DLGAP2: variants seen among roughly 807,000 people sequenced by gnomAD.
DLGAP2 encodes the protein DLG associated protein 2.
Under a neutral mutation model 100.3 loss-of-function variants are expected in DLGAP2, and 26 were observed. The observed-to-expected ratio is 0.26, with a 90% CI of 0.19 to 0.36. The LOEUF is 0.36. Ranked by LOEUF, DLGAP2 falls within the 10% of genes least tolerant of loss-of-function variation. The probability of loss-of-function intolerance (pLI) is 1.00; values close to 1 mark genes in which losing one functional copy is unlikely to be tolerated. For synonymous variants in DLGAP2, 886 were observed against 630.1 expected (o/e 1.41, Z -6.08); for missense variants, 1,858 against 1,453.2 (o/e 1.28, Z -4.53).
At chr8:1,120,975 C>T (rs1421151661) in intron 2 of DLGAP2, among the ~76,000 whole-genome samples, 2 of 151,300 alleles carry the variant, frequency 1.3e-5, no homozygotes, top group African/African-American at 2.4e-5. Context: ...CACCCATCCT[C>T]GTCCCTTCAG....
chr8:1,658,379 T>C (rs1245086153), intron 8 of DLGAP2, among the ~76,000 whole-genome samples: 6 of 152,098 alleles, frequency 3.9e-5, no homozygotes, highest in Admixed American at 3.9e-4. Flanking sequence ...GAAGAAACGG[T>C]TTAGGGGCTA....
intron 2 of DLGAP2, among the ~76,000 whole-genome samples, chr8:1,178,305 G>A (rs1352101918): frequency 6.6e-6 from 1 of 152,184 alleles, no homozygotes; most frequent in African/African-American, 2.4e-5. Context: ...TCTCATTTGG[G>A]CAAGACCTGC....
chr8:1,061,764 G>A (rs1025822348), intron 2 of DLGAP2, among the ~76,000 whole-genome samples: 21 of 151,988 alleles, frequency 1.4e-4, no homozygotes, highest in African/African-American at 3.9e-4. Flanking sequence ...GGACTTTCTC[G>A]GAGGTTGCAC....
chr8:1,514,927 C>A (rs140609916), intron 4 of DLGAP2, among the ~76,000 whole-genome samples: 1 of 152,296 alleles, frequency 6.6e-6, no homozygotes, highest in African/African-American at 2.4e-5. Context: ...CCTACAAGAG[C>A]ACAGCCAGCG....
intron 12 of DLGAP2, among the ~76,000 whole-genome samples, chr8:1,679,763 C>A (rs1247401142): frequency 6.6e-6 from 1 of 152,150 alleles, no homozygotes; most frequent in Admixed American, 6.5e-5. Context: ...GGGTGGATGG[C>A]CTGAGGTCAG....
chr8:1,045,416 G>T (rs1043592742), intron 2 of DLGAP2, among the ~76,000 whole-genome samples: 1 of 152,176 alleles, frequency 6.6e-6, no homozygotes, highest in African/African-American at 2.4e-5. Context: ...ACAACCTGTT[G>T]TTTTGAAAGA....
chr8:872,847 A>G (rs1419273921), intron 1 of DLGAP2, among the ~76,000 whole-genome samples: 3 of 152,142 alleles, frequency 2.0e-5, no homozygotes, highest in Non-Finnish European at 2.9e-5. Context: ...CTGTATCAGC[A>G]CAGTCAGTCC....
chr8:1,700,467 T>C (rs1799535646), intron 14 of DLGAP2, among the ~76,000 whole-genome samples: 1 of 151,792 alleles, frequency 6.6e-6, no homozygotes, highest in Non-Finnish European at 1.5e-5. Flanking sequence ...ATCGCAGAGT[T>C]AGGGACACAG....
chr8:1,567,567 C>A (rs1351455441), intron 6 of DLGAP2, among the ~76,000 whole-genome samples: 1 of 152,176 alleles, frequency 6.6e-6, no homozygotes. Context: ...TTCTTCCACT[C>A]ATTCACCATC....
intron 2 of DLGAP2, among the ~76,000 whole-genome samples, chr8:1,131,508 T>C (rs965378624): frequency 6.6e-6 from 1 of 152,134 alleles, no homozygotes; most frequent in Non-Finnish European, 1.5e-5. Context: ...ACCACCCACA[T>C]AACCTCATCC....
chr8:1,605,746 G>C (rs1358449130), intron 6 of DLGAP2, among the ~76,000 whole-genome samples: 1 of 152,190 alleles, frequency 6.6e-6, no homozygotes, highest in African/African-American at 2.4e-5. Context: ...GGTGAGAACC[G>C]AAGCCAGCAG....
At chr8:917,643 C>A (rs933978145) in intron 2 of DLGAP2, among the ~76,000 whole-genome samples, 4 of 152,116 alleles carry the variant, frequency 2.6e-5, no homozygotes, top group African/African-American at 9.7e-5. Flanking sequence ...TGCAGTGGTG[C>A]GATCTCAGCT....
At chr8:1,655,686 C>T (rs1798267764) in intron 8 of DLGAP2, among the ~76,000 whole-genome samples, 1 of 150,746 alleles carries the variant, frequency 6.6e-6, no homozygotes, top group Non-Finnish European at 1.5e-5. Context: ...TTTCTTTCAT[C>T]TCATTCACAC....
intron 4 of DLGAP2, among the ~76,000 whole-genome samples, chr8:1,533,345 A>G (rs1337616595): frequency 6.6e-6 from 1 of 151,776 alleles, no homozygotes; most frequent in African/African-American, 2.4e-5. Flanking sequence ...AAAAATACAA[A>G]CAAAAAAAAA....
intron 8 of DLGAP2, among the ~76,000 whole-genome samples, chr8:1,648,755 G>A (rs1798099150): frequency 6.6e-6 from 1 of 152,122 alleles, no homozygotes; most frequent in Non-Finnish European, 1.5e-5. Flanking sequence ...TGAGCCCCTG[G>A]TCCCCTCAGT....
intron 2 of DLGAP2, among the ~76,000 whole-genome samples, chr8:1,097,332 A>C (rs1474065296): frequency 2.2e-5 from 1 of 44,646 alleles, no homozygotes; most frequent in African/African-American, 7.8e-5. Flanking sequence ...CATGGAGGGG[A>C]CCCCTCCAGC....
chr8:1,522,937 C>T (rs967826556), intron 4 of DLGAP2, among the ~76,000 whole-genome samples: 13 of 152,096 alleles, frequency 8.5e-5, no homozygotes, highest in African/African-American at 2.7e-4. Context: ...ACCTGGGTGA[C>T]AGATGTATAT....
chr8:1,308,134 C>T (rs996536369), intron 3 of DLGAP2, among the ~76,000 whole-genome samples: 1 of 152,192 alleles, frequency 6.6e-6, no homozygotes, highest in Non-Finnish European at 1.5e-5. Context: ...CTCAAGTGGT[C>T]CCTGGGCTCG....
intron 1 of DLGAP2, among the ~76,000 whole-genome samples, chr8:861,592 A>G (rs1797392963): frequency 6.6e-6 from 1 of 152,230 alleles, no homozygotes; most frequent in Non-Finnish European, 1.5e-5. Context: ...TTATTTTAAC[A>G]GCGCTTTTGA....
Sources: allele counts gnomAD v4.1 joint callset (sites outside exome capture counted in the v4.1 genomes callset), GRCh38; gene constraint gnomAD v4.1.1; transcripts MANE v1.5; gene names NCBI Gene and HGNC (gene_info 2026-07-23, HGNC 2026-07-21).